The following PRKAR1B variants were observed in gnomAD, a reference collection of about 807,000 sequenced individuals.
PRKAR1B encodes protein kinase cAMP-dependent type I regulatory subunit beta.
In PRKAR1B, 22 loss-of-function variants were observed where a neutral mutation model predicts 46.5. That is an observed-to-expected ratio of 0.47 (90% CI 0.34 to 0.68). The LOEUF (loss-of-function observed/expected upper bound fraction) is 0.68. Ranked by LOEUF, PRKAR1B falls within the 30% of genes least tolerant of loss-of-function variation. The pLI, the probability that PRKAR1B is intolerant of heterozygous loss-of-function variation, is 0.01. For missense variants in PRKAR1B, 445 were observed against 535.6 expected (o/e 0.83, Z 1.67); for synonymous variants, 259 against 217.7 (o/e 1.19, Z -1.67).
chr7:710,777 T>G (rs1780582455), intron 2 of PRKAR1B, among the ~76,000 whole-genome samples: 1 of 151,708 alleles, frequency 6.6e-6, no homozygotes, highest in South Asian at 2.1e-4. Flanking sequence ...CCCCAGTAGC[T>G]GGGATTACAG....
In PRKAR1B at chr7:685,353, C is replaced by CAT. The variant is rs1357512520; in HGVS notation, c.178-4629_178-4628dup. Among the ~76,000 whole-genome samples the CAT allele has an allele frequency of 1.2e-3, 60 of 48,926 alleles. 6 individuals carry two copies. The highest frequency in any genetic ancestry group is 4.0e-3 in the Admixed American group (17 of 4,278). 32.1% of individuals were successfully genotyped at this position (48,926 alleles called of 152,430 possible). A position where few individuals can be genotyped will look rare whatever the true frequency, so the allele number is the denominator to read the frequency against. On this transcript the variant is annotated intron_variant, in intron 2 of 10. Transcript: ENST00000537384. ...GTATATATACGTATATATATGTATA[C>CAT]ATATATATATACACATATATATATA...
chr7:625,855 A>C (rs1783363521), intron 4 of PRKAR1B, among the ~76,000 whole-genome samples: 1 of 152,092 alleles, frequency 6.6e-6, no homozygotes, highest in South Asian at 2.1e-4. Flanking sequence ...AAAAATACAC[A>C]AAATTAGCTG....
chr7:599,059 G>A (rs754234629), intron 6 of PRKAR1B, among the ~76,000 whole-genome samples: 3 of 152,202 alleles, frequency 2.0e-5, no homozygotes, highest in Non-Finnish European at 2.9e-5. Context: ...ACCAGGACGC[G>A]CTGCCCATGA....
At chr7:695,619 T>C (rs115522939) in intron 2 of PRKAR1B, among the ~76,000 whole-genome samples, 5,095 of 151,746 alleles carry the variant, frequency 0.034, 329 homozygotes, top group African/African-American at 0.12. Flanking sequence ...CCAAATAAAG[T>C]GCCTCAGCCA....
intron 9 of PRKAR1B, among the ~76,000 whole-genome samples, chr7:570,109 T>C (rs1033554730): frequency 4.6e-5 from 7 of 152,228 alleles, no homozygotes; most frequent in Admixed American, 1.3e-4. Flanking sequence ...CAGTGACCGC[T>C]GGGCAGAGGC....
intron 1 of PRKAR1B, 58 bp from the exon 2 acceptor site, chr7:711,585 A>C (rs1231494037): frequency 2.0e-6 from 3 of 1,469,316 alleles, no homozygotes; most frequent in Admixed American, 1.9e-5. Flanking sequence ...TGCGCGCCGG[A>C]TAAACGCAGG....
chr7:558,375 A>AG (rs1778584400), intron 9 of PRKAR1B, among the ~76,000 whole-genome samples: 1 of 150,556 alleles, frequency 6.6e-6, no homozygotes, highest in South Asian at 2.1e-4. Context: ...GAGGAGGAGG[A>AG]GAAGAAGAAA....
intron 4 of PRKAR1B, among the ~76,000 whole-genome samples, chr7:662,353 G>A: frequency 4.0e-5 from 4 of 101,064 alleles, no homozygotes; most frequent in Non-Finnish European, 6.0e-5. Flanking sequence ...CCATGGCACA[G>A]GTCCCCACCC....
intron 1 of PRKAR1B, among the ~76,000 whole-genome samples, chr7:724,874 G>GA (rs954279649): frequency 4.4e-4 from 67 of 152,328 alleles, no homozygotes; most frequent in African/African-American, 1.5e-3. Context: ...CCTGTTGGAG[G>GA]AAACAATGAA....
At chr7:618,170 C>T (rs1730270043) in intron 4 of PRKAR1B, among the ~76,000 whole-genome samples, 1 of 152,218 alleles carries the variant, frequency 6.6e-6, no homozygotes, top group African/African-American at 2.4e-5. Context: ...GCACTCAGCT[C>T]ACAGGCAGCC....
intron 2 of PRKAR1B, among the ~76,000 whole-genome samples, chr7:688,420 C>T (rs111791248): frequency 0.13 from 19,569 of 150,610 alleles, 1,440 homozygotes; most frequent in South Asian, 0.21. Context: ...AAAAAAAATA[C>T]AAGACAGATT....
chr7:664,658 C>T (rs1468495923), intron 4 of PRKAR1B, among the ~76,000 whole-genome samples: 1 of 152,108 alleles, frequency 6.6e-6, no homozygotes, highest in African/African-American at 2.4e-5. Flanking sequence ...CCTGCAATCC[C>T]AACACTATGG....
At chr7:725,811 T>G (rs1281064319) in intron 1 of PRKAR1B, among the ~76,000 whole-genome samples, 2 of 152,174 alleles carry the variant, frequency 1.3e-5, no homozygotes, top group Admixed American at 1.3e-4. Flanking sequence ...GCTCAAGATA[T>G]TTTTCAGGCT....
Position 666,276 on chromosome 7 carries a change from A to G in PRKAR1B, c.440+10953T>C, listed in dbSNP as rs187015570. On this transcript the variant is annotated intron_variant, in intron 4 of 10. Transcript: ENST00000537384. The surrounding 1 kb of genome is among the most constrained non-coding windows in gnomAD (Gnocchi z 4.9). ...TCCTGGCACATCAGAGAGCTCCGGA[A>G]CATGCGGGGCTGCTTCCCTGGGACA... Among the ~76,000 whole-genome samples, 5 of 125,798 alleles carry G rather than the reference A, an allele frequency of 4.0e-5. No homozygotes were observed. The East Asian group carries it at 7.3e-4, about 18-fold the overall frequency. The allele number at this position is 125,798 out of a possible 152,430, so 82.5% of individuals were successfully genotyped here.
rs1349232851 is a variant in PRKAR1B, at chr7:644,087, C to G, written c.440+33142G>C. On this transcript the variant is annotated intron_variant, in intron 4 of 10. Transcript: ENST00000537384. The surrounding 1 kb of genome is among the most constrained non-coding windows in gnomAD (Gnocchi z 4.9). Reference sequence around the variant, plus strand: ...GCTACACGGCCCACTACACTAAGCCCTAAGTCTTCATCTTGCAGACAAACA... The same window carrying G: ...GCTACACGGCCCACTACACTAAGCCGTAAGTCTTCATCTTGCAGACAAACA... Among the ~76,000 whole-genome samples the G allele has an allele frequency of 1.3e-5, 2 of 152,268 alleles. No individual in the cohort carries two copies. Among genetic ancestry groups the G allele is most frequent in the African/African-American group, 2.4e-5 (1 of 41,554 alleles).
At chr7:576,283 G>A (rs141020313) in intron 9 of PRKAR1B, among the ~76,000 whole-genome samples, 13,587 of 152,176 alleles carry the variant, frequency 0.089, 647 homozygotes, top group East Asian at 0.13. Context: ...CTCCCCTCTC[G>A]GGGCCCGCCA....
intron 4 of PRKAR1B, among the ~76,000 whole-genome samples, chr7:675,834 T>C (rs1218183670): frequency 3.3e-5 from 5 of 152,084 alleles, no homozygotes; most frequent in African/African-American, 1.2e-4. Context: ...TAATCCCAGA[T>C]ACTCAGGAGG....
intron 4 of PRKAR1B, among the ~76,000 whole-genome samples, chr7:650,528 C>A (rs1784849237): frequency 6.6e-6 from 1 of 152,244 alleles, no homozygotes. Flanking sequence ...CTGGTGCCCT[C>A]ACCCACTGCC....
chr7:648,574 G>A (rs1017721029), intron 4 of PRKAR1B, among the ~76,000 whole-genome samples: 5 of 152,132 alleles, frequency 3.3e-5, no homozygotes, highest in East Asian at 1.9e-4. Flanking sequence ...TCACGCCACC[G>A]CACTCCAGCC....
Sources: allele counts gnomAD v4.1 joint callset (sites outside exome capture counted in the v4.1 genomes callset), GRCh38; gene constraint gnomAD v4.1.1; non-coding constraint Gnocchi (gnomAD v3.1); transcripts MANE v1.5; gene names NCBI Gene and HGNC (gene_info 2026-07-23, HGNC 2026-07-21).